Variants in ARID3B observed in about 807,000 individuals in gnomAD.
ARID3B encodes AT-rich interactive domain-containing protein 3B.
ARID3B carries 10 observed loss-of-function variants against 51.9 expected under a neutral mutation model. That is an observed-to-expected ratio of 0.19 (90% CI 0.12 to 0.33). ARID3B has a LOEUF of 0.33. Ranked by LOEUF, ARID3B falls within the 10% of genes least tolerant of loss-of-function variation. The pLI, the probability that ARID3B is intolerant of heterozygous loss-of-function variation, is 1.00. For synonymous variants in ARID3B, 205 were observed against 279.5 expected, an observed-to-expected ratio of 0.73 and a Z score of 2.66; for missense variants, 483 against 716.3, an observed-to-expected ratio of 0.67 and a Z score of 3.72.
chr15:74,595,784 C>G lies in ARID3B; in HGVS notation c.*10C>G. ...CAGCTGGTCCCTCTGATGGGCAGGA[C>G]CCAGCTTCCCACTTGCCACTCTCCT... On this transcript the variant is annotated 3_prime_UTR_variant, in exon 9 of 9. Coordinates refer to ENST00000346246, the MANE Select transcript of ARID3B (RefSeq NM_006465.4). 1.2e-6 allele frequency: 2 copies of G among 1,600,176 alleles called. No individual in the cohort carries two copies. Among genetic ancestry groups the G allele is most frequent in the Middle Eastern group, 1.7e-4 (1 of 5,922 alleles).
rs373942750 is a variant in ARID3B at position 74,560,913 on chromosome 15, C to T, written c.553-11949C>T. 6.9e-4 allele frequency among the ~76,000 whole-genome samples: 105 copies of T among 152,234 alleles called. 5 individuals are homozygous for T. In the South Asian group the frequency reaches 7.7e-3, roughly 11 times the overall value. ...TTAATTACCCTCAAAGATATTACTCCGCTTTGCTACCGGTGATATATTTTC... is the reference window on the plus strand; with the variant it reads ...TTAATTACCCTCAAAGATATTACTCTGCTTTGCTACCGGTGATATATTTTC... On this transcript the variant is annotated intron_variant, in intron 2 of 8. Transcript: ENST00000346246.
chr15:74,564,594 C>T (rs1468107963), intron 2 of ARID3B, among the ~76,000 whole-genome samples: 5 of 152,006 alleles, frequency 3.3e-5, no homozygotes, highest in Non-Finnish European at 5.9e-5. Flanking sequence ...TGAAGTCTAA[C>T]GATTTTCTTT....
In ARID3B at chr15:74,546,276, G is replaced by C. The variant is rs565270682; in HGVS notation, c.552+1788G>C. On this transcript the variant is annotated intron_variant, in intron 2 of 8. Coordinates refer to ENST00000346246, the MANE Select transcript of ARID3B (RefSeq NM_006465.4). The stretch of plus-strand genomic sequence containing the variant: ...CCCCCGCACTGCTGTGTGGTTGGCA[G>C]AGTTCCATACCGGCCGCTGAGTCAG... Among the ~76,000 whole-genome samples the C allele has an allele frequency of 6.6e-5, 10 of 152,300 alleles. 1 individual carries two copies. In the South Asian group the frequency reaches 2.1e-3, roughly 32 times the overall value.
intron 2 of ARID3B, among the ~76,000 whole-genome samples, chr15:74,548,291 T>C (rs962063408): frequency 8.5e-5 from 13 of 152,120 alleles, no homozygotes; most frequent in African/African-American, 3.1e-4. Context: ...CTTGAGCCCA[T>C]TGGTAGAGCT....
intron 2 of ARID3B, among the ~76,000 whole-genome samples, chr15:74,546,117 A>G (rs2061614562): frequency 6.6e-6 from 1 of 152,128 alleles, no homozygotes; most frequent in African/African-American, 2.4e-5. Flanking sequence ...CTCATCACCC[A>G]GGGAGATAGT....
chr15:74,569,134 A>G (rs2061710230), intron 2 of ARID3B, among the ~76,000 whole-genome samples: 1 of 152,224 alleles, frequency 6.6e-6, no homozygotes, highest in African/African-American at 2.4e-5. Context: ...TGATAGGCCA[A>G]GAAACCTGCT....
In ARID3B at chr15:74,594,311, G is replaced by T. The variant is rs138600761; in HGVS notation, c.1519+1075G>T. On this transcript the variant is annotated intron_variant, in intron 8 of 8. Coordinates refer to ENST00000346246, the MANE Select transcript of ARID3B (RefSeq NM_006465.4). ...AAAATACAAAAAGTTAGCCAGGCGT[G>T]GGGGCGGGTGCCTGTAGTCCCAGCT... Among the ~76,000 whole-genome samples, 32 of 152,312 alleles carry T rather than the reference G, an allele frequency of 2.1e-4. No homozygotes were observed. The East Asian group carries it at 6.2e-3, about 29-fold the overall frequency.
At chr15:74,580,414 G>T (rs1375981729) in intron 4 of ARID3B, among the ~76,000 whole-genome samples, 1 of 152,170 alleles carries the variant, frequency 6.6e-6, no homozygotes, top group Non-Finnish European at 1.5e-5. Context: ...AGGAAGAAAA[G>T]CTTGTTTTTT....
intron 2 of ARID3B, among the ~76,000 whole-genome samples, chr15:74,559,782 A>C (rs1445698566): frequency 6.6e-6 from 1 of 152,124 alleles, no homozygotes; most frequent in Non-Finnish European, 1.5e-5. Flanking sequence ...GAAAATGTAA[A>C]AATTTGTAAA....
At chr15:74,590,824 C>G (rs2061800103) in intron 5 of ARID3B, among the ~76,000 whole-genome samples, 1 of 152,164 alleles carries the variant, frequency 6.6e-6, no homozygotes, top group African/African-American at 2.4e-5. Context: ...GTTATAAGAT[C>G]AAGAAGTCAG....
intron 2 of ARID3B, among the ~76,000 whole-genome samples, chr15:74,567,470 T>C (rs994245948): frequency 2.0e-5 from 3 of 152,066 alleles, no homozygotes; most frequent in Non-Finnish European, 4.4e-5. Flanking sequence ...CTCAGCAGCT[T>C]GCACAATGCT....
At chr15:74,558,104 A>G (rs1009500549) in intron 2 of ARID3B, among the ~76,000 whole-genome samples, 6 of 150,344 alleles carry the variant, frequency 4.0e-5, no homozygotes, top group African/African-American at 1.5e-4. Context: ...TACAGGCGTG[A>G]GCCACGCGCC....
intron 4 of ARID3B, among the ~76,000 whole-genome samples, chr15:74,589,069 C>A (rs890819916): frequency 7.5e-6 from 1 of 132,842 alleles, no homozygotes; most frequent in African/African-American, 3.0e-5. Flanking sequence ...TCACTGTCGC[C>A]CAGGCTGGAG....
intron 2 of ARID3B, among the ~76,000 whole-genome samples, chr15:74,548,631 T>C (rs2061624492): frequency 6.6e-6 from 1 of 152,230 alleles, no homozygotes; most frequent in Admixed American, 6.5e-5. Context: ...ATTCCTAACG[T>C]CCTAAAGCTT....
intron 2 of ARID3B, among the ~76,000 whole-genome samples, chr15:74,549,839 G>A (rs754484484): frequency 7.2e-5 from 11 of 152,182 alleles, no homozygotes; most frequent in Non-Finnish European, 1.5e-4. Flanking sequence ...CTGGAGTAGG[G>A]GGCAGTGTGC....
In ARID3B at chr15:74,572,915, C is replaced by A. The variant is rs778267066; in HGVS notation, c.606C>A (p.Ile202=). 3.8e-5 allele frequency: 62 copies of A among 1,614,072 alleles called. No individual in the cohort carries two copies. The highest frequency in any genetic ancestry group is 5.2e-5 in the Non-Finnish European group (61 of 1,180,046). The part of the protein sequence containing the change: ...DDADGGRGRE[I]SRDFAKLYEL... ...CAGATGGAGGCCGGGGAAGAGAGAT[C>A]TCTCGAGATTTTGCCAAGGTCTGTA... Residue 202 remains isoleucine, a synonymous_variant, in exon 3 of 9, where the codon ATC becomes ATA. Coordinates refer to ENST00000346246, the MANE Select transcript of ARID3B (RefSeq NM_006465.4).
At position 74,587,402 on chromosome 15, in the gene ARID3B, G is replaced by A. The variant is rs150474059; in HGVS notation, c.698-2418G>A. ...AGAGGAGAGGAGCCAGTGCTGACAC[G>A]AGGTTCCTGCCTTCCTGCCTAACTT... On this transcript the variant is annotated intron_variant, in intron 4 of 8. Transcript: ENST00000346246. Among the ~76,000 whole-genome samples, 653 of 152,326 alleles carry A rather than the reference G, an allele frequency of 4.3e-3. 1 individual carries two copies. The highest frequency in any genetic ancestry group is 6.6e-3 in the Non-Finnish European group (446 of 68,020).
intron 4 of ARID3B, among the ~76,000 whole-genome samples, chr15:74,583,885 T>A (rs1303922244): frequency 2.6e-5 from 4 of 152,162 alleles, no homozygotes; most frequent in African/African-American, 9.7e-5. Flanking sequence ...TTCTTGTCAG[T>A]CTATACTAGC....
In ARID3B at chr15:74,593,108, C is replaced by T. The variant is rs369475192; in HGVS notation, c.1421-30C>T. 8.7e-6 allele frequency: 14 copies of T among 1,604,666 alleles called. No homozygotes were observed. In the African/African-American group the frequency reaches 1.7e-4, roughly 20 times the overall value. ...AACAGGAGTGCTGTGGAAGGCTTGA[C>T]CAGGCCCACTGTCTCCCTGTCCCCA... On this transcript the variant is annotated intron_variant, in intron 7 of 8. Transcript: ENST00000346246.
Sources: allele counts gnomAD v4.1 joint callset (sites outside exome capture counted in the v4.1 genomes callset), GRCh38; gene constraint gnomAD v4.1.1; transcripts MANE v1.5; gene names NCBI Gene and HGNC (gene_info 2026-07-23, HGNC 2026-07-21).